MIER2: variants seen among roughly 807,000 people sequenced by gnomAD.
MIER2 encodes MIER family member 2, also known as mesoderm induction early response protein 2.
Under a neutral mutation model 67.6 loss-of-function variants are expected in MIER2, and 30 were observed. The observed-to-expected ratio is 0.44, with a 90% confidence interval of 0.33 to 0.60. The LOEUF is 0.60. Among genes scored for constraint, MIER2 ranks in the 20% least tolerant of loss-of-function variants. The pLI, the probability that MIER2 is intolerant of heterozygous loss-of-function variation, is 0.02. For missense variants in MIER2, 702 were observed against 745.1 expected (o/e 0.94, Z 0.67); for synonymous variants, 372 against 312.6 (o/e 1.19, Z -2.00).
At chr19:328,685 T>C (rs1025826902) in intron 3 of MIER2, among the ~76,000 whole-genome samples, 3 of 151,780 alleles carry the variant, frequency 2.0e-5, no homozygotes, top group Non-Finnish European at 2.9e-5. Context: ...GAGATGGAGG[T>C]TGCAGTGAGC....
chr19:325,803 A>C (rs538690634), intron 6 of MIER2, 99 bp from the exon 7 acceptor site: 3 of 1,307,176 alleles, frequency 2.3e-6, no homozygotes, highest in East Asian at 2.3e-5. Flanking sequence ...GGGAGGGGCC[A>C]CTGTCCAGAC....
rs2289868 is a variant in MIER2 at position 307,463 on chromosome 19, C to T, written c.1272G>A (p.Ser424=). The part of the protein sequence containing the change: ...PGVASDGLPS[S]EPGPCSFQQL... ...GCTGGAAGGAACACGGCCCTGGCTC[C>T]GAGGACGGGAGTCCATCAGAGGCCA... The change falls in exon 13 of 14, where the codon TCG becomes TCA. Residue 424 remains serine (S), a synonymous_variant. Transcript: ENST00000264819. 20 of 1,563,082 alleles carry T rather than the reference C, an allele frequency of 1.3e-5. No homozygotes were observed. Among genetic ancestry groups the T allele is most frequent in the African/African-American group, 2.7e-5 (2 of 73,906 alleles).
At chr19:310,619 C>CCGCCCGG (rs1568216631) in intron 10 of MIER2, among the ~76,000 whole-genome samples, 1 of 59,664 alleles carries the variant, frequency 1.7e-5, no homozygotes, top group Non-Finnish European at 3.0e-5. Context: ...TATAGAAACA[C>CCGCCCGG]AGCCCGGAGC....
At chr19:313,260 G>A (rs1971092799) in intron 8 of MIER2, among the ~76,000 whole-genome samples, 1 of 152,132 alleles carries the variant, frequency 6.6e-6, no homozygotes, top group Non-Finnish European at 1.5e-5. Flanking sequence ...GACATCAGGG[G>A]TGTCTACATC....
intron 7 of MIER2, among the ~76,000 whole-genome samples, chr19:316,772 CAGCAT>C (rs1971253375): frequency 6.6e-6 from 1 of 151,984 alleles, no homozygotes; most frequent in South Asian, 2.1e-4. Flanking sequence ...AGTTCAAGAC[CAGCAT>C]AGCCAACACA....
At chr19:341,774 G>C (rs1972514962) in intron 1 of MIER2, among the ~76,000 whole-genome samples, 1 of 152,138 alleles carries the variant, frequency 6.6e-6, no homozygotes, top group Admixed American at 6.5e-5. Context: ...AAAAGCAAAG[G>C]AAGCGTAAAC....
chr19:338,984 C>T (rs1972382836), intron 1 of MIER2, among the ~76,000 whole-genome samples: 1 of 151,470 alleles, frequency 6.6e-6, no homozygotes. Context: ...ATATTTGTAA[C>T]CTTTTGATTG....
chr19:311,812 G>T (rs1366233930), intron 10 of MIER2, 33 bp downstream of exon 10: 1 of 1,608,378 alleles, frequency 6.2e-7, no homozygotes, highest in African/African-American at 1.3e-5. Context: ...AGATCGAGAA[G>T]CCCCCGGTGG....
rs1473197155 is a variant in MIER2, at chr19:307,395, G to T, written c.1340C>A (p.Pro447Gln). The change falls in exon 13 of 14, where the codon CCA becomes CAA. Residue 447 changes from proline to glutamine, a missense_variant. Around this residue, in one of 3 missense-constraint regions of MIER2, gnomAD observed 254 missense variants for 262.8 expected, o/e 0.97. Coordinates refer to ENST00000264819, the MANE Select transcript of MIER2 (RefSeq NM_017550.3). ...GTATGAGGCTGGGTCGGCCAGGGCT[G>T]GGGGCCGATGGGACAGGGGTACAGC... ...SPAVPLSHRP[P>Q]ALADPASYQP... 1.2e-6 allele frequency: 2 copies of T among 1,606,932 alleles called. No homozygotes were observed. Among genetic ancestry groups the T allele is most frequent in the South Asian group, 2.2e-5 (2 of 89,836 alleles).
At position 311,957 on chromosome 19, in the gene MIER2, G is replaced by A. The variant is rs1374703076; in HGVS notation, c.890-18C>T. 1.2e-6 allele frequency: 2 copies of A among 1,612,436 alleles called. No homozygotes were observed. The highest frequency in any genetic ancestry group is 3.3e-5 in the Admixed American group (2 of 59,982). On this transcript the variant is annotated intron_variant, in intron 9 of 13. Transcript: ENST00000264819. The stretch of plus-strand genomic sequence containing the variant: ...GAGCCCATCTGCAAACACGGCCGGG[G>A]AGAACGGTCAGTGGTGCCCAGGGCG...
At position 327,970 on chromosome 19, in the gene MIER2, T is replaced by C; in HGVS notation, c.263A>G (p.Asp88Gly). Residue 88 changes from aspartate (D) to glycine (G), a missense_variant, in exon 4 of 14, where the codon GAT becomes GGT. By Grantham distance (94) the Asp-to-Gly change is moderately conservative. Transcript: ENST00000264819. ...FISQSNDMPF[D>G]ELLALYGYEA... Reference sequence around the variant, plus strand: ...GTAGCCATAGAGCGCAAGCAGCTCATCAAAGGGCATGTCGTTGCTCTGAGT... The same window carrying C: ...GTAGCCATAGAGCGCAAGCAGCTCACCAAAGGGCATGTCGTTGCTCTGAGT... 4.3e-6 allele frequency: 7 copies of C among 1,613,096 alleles called. No individual in the cohort carries two copies. Among genetic ancestry groups the C allele is most frequent in the Non-Finnish European group, 5.9e-6 (7 of 1,179,514 alleles).
intron 3 of MIER2, 120 bp downstream of exon 3, chr19:334,280 T>G: frequency 7.0e-7 from 1 of 1,434,852 alleles, no homozygotes; most frequent in East Asian, 2.3e-5. Context: ...CATCTGGCAC[T>G]TTGCAAAAAG....
intron 7 of MIER2, among the ~76,000 whole-genome samples, chr19:321,312 A>G (rs72984474): frequency 0.15 from 22,752 of 152,196 alleles, 2,195 homozygotes; most frequent in African/African-American, 0.26. Context: ...GCCAGGAAGC[A>G]CGTTTATTCC....
Position 313,521 on chromosome 19 carries a change from C to G in MIER2, c.778G>C (p.Glu260Gln). The change falls in exon 8 of 14, where the codon GAG becomes CAG. Residue 260 changes from glutamate (E) to glutamine (Q), a missense_variant. Around this residue, in one of 3 missense-constraint regions of MIER2, gnomAD observed 128 missense variants for 189.7 expected, o/e 0.67. Transcript: ENST00000264819. The part of the protein sequence containing the change: ...WHEMAGPQLP[E>Q]GEAVKDSEQA... ...TCACTGTCTTTCACGGCTTCTCCCT[C>G]TGGGAGCTGAGGCCCGGCCATCTCG... 6.2e-7 allele frequency: 1 copy of G among 1,612,770 alleles called. No individual in the cohort carries two copies. Among genetic ancestry groups the G allele is most frequent in the Non-Finnish European group, 8.5e-7 (1 of 1,179,898 alleles).
Position 327,116 on chromosome 19 carries a change from G to C in MIER2, c.493+17C>G, listed in dbSNP as rs554285753. On this transcript the variant is annotated intron_variant, in intron 5 of 13. Transcript: ENST00000264819. ...GGGGGCCTGGCTGCGGTGGAGTATG[G>C]GGACAGAGTCACCTACATCCACTCC... 11 of 1,572,222 alleles carry C rather than the reference G, an allele frequency of 7.0e-6. No homozygotes were observed. Among genetic ancestry groups the C allele is most frequent in the South Asian group, 1.2e-5 (1 of 84,568 alleles).
intron 1 of MIER2, among the ~76,000 whole-genome samples, chr19:343,559 A>ATGGCCAGTCC (rs1972598369): frequency 6.6e-6 from 1 of 152,184 alleles, no homozygotes; most frequent in Non-Finnish European, 1.5e-5. Context: ...GGGGGAGAGA[A>ATGGCCAGTCC]TGGCCAGTCC....
chr19:344,379 G>A lies in MIER2; in HGVS notation c.9+395C>T, dbSNP rs919541340. The A allele has an allele frequency of 2.2e-5, 22 of 984,694 alleles. No homozygotes were observed. In the African/African-American group the frequency reaches 3.5e-4, roughly 16 times the overall value. The allele number at this position is 984,694 out of a possible 1,614,324, so 61.0% of individuals were successfully genotyped here. A position where few individuals can be genotyped will look rare whatever the true frequency, so the allele number is the denominator to read the frequency against. On this transcript the variant is annotated intron_variant, in intron 1 of 13. Coordinates refer to ENST00000264819, the MANE Select transcript of MIER2 (RefSeq NM_017550.3). ...CGGCAAAGTTGGCAAAGGCGCGGGAGGGGAGGCCTGCGCGCCGCGGGGCCC... is the reference window on the plus strand; with the variant it reads ...CGGCAAAGTTGGCAAAGGCGCGGGAAGGGAGGCCTGCGCGCCGCGGGGCCC...
chr19:322,343 C>T (rs2145437606), intron 7 of MIER2, among the ~76,000 whole-genome samples: 1 of 152,308 alleles, frequency 6.6e-6, no homozygotes, highest in East Asian at 1.9e-4. Flanking sequence ...AGAACACACA[C>T]ACACATTATT....
At position 334,489 on chromosome 19, in the gene MIER2, G is replaced by C; in HGVS notation, c.154C>G (p.Gln52Glu). The C allele has an allele frequency of 2.5e-6, 4 of 1,614,152 alleles. No individual in the cohort carries two copies. In the South Asian group the frequency reaches 4.4e-5, roughly 18 times the overall value. Residue 52 changes from glutamine to glutamate, a missense_variant, in exon 3 of 14, where the codon CAG becomes GAG. Gln to Glu is a conservative substitution (Grantham distance 29). Transcript: ENST00000264819. ...CACTCCCCCCTAACACTGTAGTTCT[G>C]TGACAGGATCTCTGCGAGGTTGAAC... is the stretch of plus-strand genomic sequence containing the variant. ...HQFNLAEILS[Q>E]NYSVRGECEE...
Sources: gnomAD v4.1 joint callset for allele counts (sites outside exome capture counted in the v4.1 genomes callset) on GRCh38, gnomAD v4.1.1 for gene constraint, gnomAD v4.1.1 regional missense constraint, MANE v1.5 for transcripts, NCBI Gene and HGNC (gene_info 2026-07-23, HGNC 2026-07-21) for gene names.